Variants in ITGBL1 observed in about 807,000 individuals in gnomAD.
The protein encoded by ITGBL1 is integrin subunit beta like 1.
Under a neutral mutation model 68.5 loss-of-function variants are expected in ITGBL1, and 51 were observed. That is an observed-to-expected ratio of 0.74 (90% CI 0.59 to 0.94). The LOEUF (loss-of-function observed/expected upper bound fraction) is 0.94. Among genes scored for constraint, ITGBL1 ranks in the 40% least tolerant of loss-of-function variants. ITGBL1 has a pLI of 0.00. For synonymous variants in ITGBL1, 209 were observed against 227.3 expected (o/e 0.92, Z 0.72); for missense variants, 649 against 647.4 (o/e 1.00, Z -0.03).
At chr13:101,655,408 A>AAT (rs1555364905) in intron 7 of ITGBL1, among the ~76,000 whole-genome samples, 1 of 152,000 alleles carries the variant, frequency 6.6e-6, no homozygotes, top group Non-Finnish European at 1.5e-5. Flanking sequence ...TTATGCATTA[A>AAT]TTATCTTCAG....
At chr13:101,692,835 A>C in intron 8 of ITGBL1, 134 bp downstream of exon 8, 1 of 688,322 alleles carries the variant, frequency 1.5e-6, no homozygotes, top group Non-Finnish European at 2.6e-6. Flanking sequence ...CATTGAACCT[A>C]AAAGCAATAT....
rs543079782 is a variant in ITGBL1 at position 101,630,689 on chromosome 13, G to A, written c.1015+32390G>A. 3.9e-5 allele frequency among the ~76,000 whole-genome samples: 6 copies of A among 152,220 alleles called. No homozygotes were observed. In the South Asian group the frequency reaches 1.2e-3, roughly 32 times the overall value. ...CTATGCATTTTTGAAATACTTTTCA[G>A]TTTGTATTCCAAATCATTGTTAGAT... On this transcript the variant is annotated intron_variant, in intron 7 of 10. Transcript: ENST00000376180.
chr13:101,590,614 T>C (rs189502908), intron 6 of ITGBL1, among the ~76,000 whole-genome samples: 188 of 152,262 alleles, frequency 1.2e-3, no homozygotes, highest in African/African-American at 4.2e-3. Context: ...TGTTAAAGTG[T>C]CAACAAGCAA....
intron 7 of ITGBL1, among the ~76,000 whole-genome samples, chr13:101,599,056 T>C (rs1017461037): frequency 3.9e-5 from 6 of 152,202 alleles, no homozygotes; most frequent in African/African-American, 1.4e-4. Flanking sequence ...CCACCAACAG[T>C]GTAAAAGTGT....
intron 7 of ITGBL1, among the ~76,000 whole-genome samples, chr13:101,613,601 G>T (rs2031230464): frequency 6.6e-6 from 1 of 152,064 alleles, no homozygotes; most frequent in African/African-American, 2.4e-5. Context: ...TGACAACTCA[G>T]GGAAGATGGC....
chr13:101,700,181 C>A (rs1284236763), intron 8 of ITGBL1, among the ~76,000 whole-genome samples: 1 of 152,226 alleles, frequency 6.6e-6, no homozygotes, highest in East Asian at 1.9e-4. Context: ...ATCTCATTGT[C>A]TTAAGAGTGT....
chr13:101,541,448 G>A (rs1296292954), intron 2 of ITGBL1, among the ~76,000 whole-genome samples: 2 of 152,014 alleles, frequency 1.3e-5, no homozygotes, highest in African/African-American at 4.8e-5. Context: ...TGCTGGATTT[G>A]GTTTGCCAGT....
intron 2 of ITGBL1, among the ~76,000 whole-genome samples, chr13:101,525,564 C>T (rs907254421): frequency 1.3e-5 from 2 of 148,784 alleles, no homozygotes; most frequent in Non-Finnish European, 3.0e-5. Flanking sequence ...GTTTCTTTTT[C>T]TTATTCTTCC....
chr13:101,605,990 A>G (rs962538628), intron 7 of ITGBL1, among the ~76,000 whole-genome samples: 3 of 146,644 alleles, frequency 2.0e-5, no homozygotes, highest in Non-Finnish European at 4.5e-5. Flanking sequence ...GTGTATATAT[A>G]TGTGTATATA....
At chr13:101,505,929 G>A (rs1002198073) in intron 2 of ITGBL1, among the ~76,000 whole-genome samples, 1 of 152,224 alleles carries the variant, frequency 6.6e-6, no homozygotes, top group Non-Finnish European at 1.5e-5. Flanking sequence ...AGGTTTGAAA[G>A]TTGCTTCAGC....
At chr13:101,571,880 A>T (rs970975002) in intron 3 of ITGBL1, among the ~76,000 whole-genome samples, 2 of 152,134 alleles carry the variant, frequency 1.3e-5, no homozygotes, top group African/African-American at 4.8e-5. Context: ...TATGTATGCA[A>T]TGTAATTTAT....
intron 1 of ITGBL1, 122 bp from the exon 2 acceptor site, chr13:101,453,761 C>T (rs1047469598): frequency 2.6e-5 from 13 of 508,566 alleles, no homozygotes; most frequent in Non-Finnish European, 3.8e-5. Flanking sequence ...GGGCCTCAGG[C>T]GTCCTGTTCT....
intron 2 of ITGBL1, among the ~76,000 whole-genome samples, chr13:101,561,612 C>T (rs1316881176): frequency 1.3e-5 from 2 of 152,054 alleles, no homozygotes; most frequent in African/African-American, 2.4e-5. Context: ...GAAAAAGAAA[C>T]ATATGCAGAG....
At chr13:101,641,822 T>C (rs2032388026) in intron 7 of ITGBL1, among the ~76,000 whole-genome samples, 1 of 150,292 alleles carries the variant, frequency 6.7e-6, no homozygotes, top group Non-Finnish European at 1.5e-5. Flanking sequence ...GGTTGGTTTT[T>C]TGTTCTTGCG....
At chr13:101,465,427 G>A (rs1204989835) in intron 2 of ITGBL1, among the ~76,000 whole-genome samples, 2 of 152,058 alleles carry the variant, frequency 1.3e-5, no homozygotes, top group African/African-American at 4.8e-5. Flanking sequence ...AATAATAGCT[G>A]CTTGTATTAT....
intron 8 of ITGBL1, among the ~76,000 whole-genome samples, chr13:101,699,384 TC>T (rs773960082): frequency 1.3e-5 from 2 of 152,180 alleles, no homozygotes; most frequent in Non-Finnish European, 2.9e-5. Context: ...TTTGGCTGTG[TC>T]CCCACGCAAA....
chr13:101,682,336 G>T (rs2033662817), intron 7 of ITGBL1, among the ~76,000 whole-genome samples: 1 of 152,016 alleles, frequency 6.6e-6, no homozygotes, highest in African/African-American at 2.4e-5. Flanking sequence ...TAAAAGAAAA[G>T]TTCGACTTTG....
At chr13:101,658,308 G>A (rs920756238) in intron 7 of ITGBL1, among the ~76,000 whole-genome samples, 14 of 152,148 alleles carry the variant, frequency 9.2e-5, no homozygotes, top group South Asian at 8.3e-4. Context: ...AAATTATATT[G>A]CATTGTTTAC....
At chr13:101,571,130 T>C (rs2050265248) in intron 3 of ITGBL1, among the ~76,000 whole-genome samples, 1 of 152,138 alleles carries the variant, frequency 6.6e-6, no homozygotes, top group African/African-American at 2.4e-5. Context: ...TTTTCTCCAT[T>C]CCATATTTGC....
Sources: gnomAD v4.1 joint callset for allele counts (sites outside exome capture counted in the v4.1 genomes callset) on GRCh38, gnomAD v4.1.1 for gene constraint, MANE v1.5 for transcripts, NCBI Gene and HGNC (gene_info 2026-07-23, HGNC 2026-07-21) for gene names.